Variants in NSF observed in about 807,000 individuals in gnomAD.
The protein encoded by NSF is vesicle-fusing ATPase.
A neutral mutation model predicts 50.3 loss-of-function variants in NSF; 14 were observed. That is an observed-to-expected ratio of 0.28 (90% confidence interval 0.18 to 0.44). The LOEUF (loss-of-function observed/expected upper bound fraction) is 0.44, where lower values mean the gene tolerates loss of function less well. Ranked by LOEUF, NSF falls within the 20% of genes least tolerant of loss-of-function variation. The probability of loss-of-function intolerance (pLI) is 1.00; values close to 1 mark genes in which losing one functional copy is unlikely to be tolerated. For synonymous variants in NSF, 109 were observed against 175.7 expected, an observed-to-expected ratio of 0.62 and a Z score of 3.00; for missense variants, 218 against 504.3, an observed-to-expected ratio of 0.43 and a Z score of 5.44.
intron 17 of NSF, among the ~76,000 whole-genome samples, chr17:46,732,177 T>C (rs1359208992): frequency 1.3e-5 from 2 of 152,228 alleles, no homozygotes; most frequent in South Asian, 2.1e-4. Flanking sequence ...ACTATACTTA[T>C]ATACACTACA....
At position 46,749,792 on chromosome 17, in the gene NSF, T is replaced by C. The variant is rs1568061985; in HGVS notation, c.1928T>C (p.Ile643Thr). The C allele has an allele frequency of 1.2e-6, 2 of 1,614,042 alleles. No individual in the cohort carries two copies. Among genetic ancestry groups the C allele is most frequent in the African/African-American group, 1.3e-5 (1 of 75,058 alleles). ...APPQGRKLLI[I>T]GTTSRKDVLQ... Reference sequence around the variant, plus strand: ...GATCAGGGCCGCAAGCTTCTTATCATTGGGACCACTAGCCGCAAAGATGTC... The same window carrying C: ...GATCAGGGCCGCAAGCTTCTTATCACTGGGACCACTAGCCGCAAAGATGTC... The change falls in exon 18 of 21, where the codon ATT becomes ACT. Residue 643 changes from isoleucine to threonine, a missense_variant. Transcript: ENST00000398238.
intron 14 of NSF, among the ~76,000 whole-genome samples, chr17:46,712,569 T>C (rs1056760347): frequency 3.9e-5 from 6 of 152,140 alleles, no homozygotes; most frequent in African/African-American, 1.4e-4. Flanking sequence ...AATTCAAGGG[T>C]CATATAGGAG....
At chr17:46,722,443 T>G (rs963749048) in intron 15 of NSF, among the ~76,000 whole-genome samples, 1 of 152,186 alleles carries the variant, frequency 6.6e-6, no homozygotes, top group Non-Finnish European at 1.5e-5. Context: ...TTTGTACAAT[T>G]TTACTTTTCT....
At chr17:46,710,151 T>C (rs1029960551) in intron 13 of NSF, among the ~76,000 whole-genome samples, 1 of 152,178 alleles carries the variant, frequency 6.6e-6, no homozygotes, top group Non-Finnish European at 1.5e-5. Flanking sequence ...ATTCTCAAGA[T>C]ACATGATCTT....
At chr17:46,742,643 G>A (rs2059086667) in intron 17 of NSF, among the ~76,000 whole-genome samples, 2 of 152,208 alleles carry the variant, frequency 1.3e-5, no homozygotes, top group African/African-American at 2.4e-5. Context: ...CTGACATTCA[G>A]GCAGGTCCTT....
At chr17:46,727,707 A>C (rs1029873971) in intron 16 of NSF, among the ~76,000 whole-genome samples, 1 of 152,140 alleles carries the variant, frequency 6.6e-6, no homozygotes, top group Admixed American at 6.5e-5. Flanking sequence ...AAAAGCTTTT[A>C]GGCACAAACT....
At chr17:46,691,575 G>A (rs963889380) in intron 9 of NSF, among the ~76,000 whole-genome samples, 1 of 151,016 alleles carries the variant, frequency 6.6e-6, no homozygotes, top group Non-Finnish European at 1.5e-5. Flanking sequence ...AGCCTGGGCA[G>A]CAGAGCAAGA....
chr17:46,755,513 G>A, intron 20 of NSF, 144 bp downstream of exon 20: 1 of 777,750 alleles, frequency 1.3e-6, no homozygotes, highest in Non-Finnish European at 2.1e-6. Context: ...GAGAGACCAA[G>A]CAAGGAAGTT....
rs779369132 is a variant in NSF, at chr17:46,667,460, CTTTTTTT to C, written c.746-6944_746-6938del. Among the ~76,000 whole-genome samples, 10 of 128,216 alleles carry C rather than the reference CTTTTTTT, an allele frequency of 7.8e-5. 1 individual carries two copies. The highest frequency in any genetic ancestry group is 4.9e-4 in the Admixed American group (6 of 12,360). The allele number at this position is 128,216 out of a possible 152,430, so 84.1% of individuals were successfully genotyped here. The stretch of plus-strand genomic sequence containing the variant: ...GATAGACGATGTCAGGTTTGATTTT[CTTTTTTT>C]TTTTTTTTTAAGAAATCTTTACCTT... On this transcript the variant is annotated intron_variant, in intron 8 of 20. Coordinates refer to ENST00000398238, the MANE Select transcript of NSF (RefSeq NM_006178.4).
At chr17:46,697,280 C>T (rs1473252777) in intron 12 of NSF, among the ~76,000 whole-genome samples, 1 of 125,558 alleles carries the variant, frequency 8.0e-6, no homozygotes, top group Non-Finnish European at 1.6e-5. Context: ...GCACAGTCTT[C>T]GCTCACTGCA....
In NSF at chr17:46,657,970, A is replaced by ATTT. The variant is rs200879873; in HGVS notation, c.745+14723_745+14725dup. ...TTTTTGTTTTTATTTTATTTTATTT[A>ATTT]TTTTTTTTTTTTTTGGCGGGGTGGG... On this transcript the variant is annotated intron_variant, in intron 8 of 20. Transcript: ENST00000398238. Among the ~76,000 whole-genome samples, 30 of 14,854 alleles carry ATTT rather than the reference A, an allele frequency of 2.0e-3. 1 individual carries two copies. Among genetic ancestry groups the ATTT allele is most frequent in the Non-Finnish European group, 2.2e-3 (16 of 7,222 alleles). 9.7% of individuals were successfully genotyped at this position (14,854 alleles called of 152,430 possible).
chr17:46,708,208 C>T (rs1227155540), intron 13 of NSF, among the ~76,000 whole-genome samples: 1 of 152,076 alleles, frequency 6.6e-6, no homozygotes, highest in Non-Finnish European at 1.5e-5. Flanking sequence ...GGTATATACT[C>T]AGAAGTGGAA....
At chr17:46,723,975 G>A (rs896249696) in intron 15 of NSF, among the ~76,000 whole-genome samples, 11 of 151,944 alleles carry the variant, frequency 7.2e-5, no homozygotes, top group Non-Finnish European at 1.3e-4. Flanking sequence ...GACTCTTTAC[G>A]TCCAAGTTCC....
intron 17 of NSF, among the ~76,000 whole-genome samples, chr17:46,741,905 A>C (rs906722268): frequency 1.3e-5 from 2 of 152,184 alleles, no homozygotes; most frequent in African/African-American, 4.8e-5. Context: ...AGCTGGGATT[A>C]CAGGCATGTG....
At chr17:46,723,880 G>A (rs1276705275) in intron 15 of NSF, among the ~76,000 whole-genome samples, 1 of 152,086 alleles carries the variant, frequency 6.6e-6, no homozygotes, top group Non-Finnish European at 1.5e-5. Flanking sequence ...TAAAACATAA[G>A]CCTGACATGT....
At chr17:46,736,306 G>C (rs772991852) in intron 17 of NSF, among the ~76,000 whole-genome samples, 1 of 152,210 alleles carries the variant, frequency 6.6e-6, no homozygotes, top group Non-Finnish European at 1.5e-5. Context: ...TGGCCCACCT[G>C]CTTCCTTTCC....
rs549082663 is a variant in NSF, at chr17:46,704,919, G to C, written c.1470+65G>C. ...ATGATAATAATAACTCAGGCGAAAA[G>C]TAAGTGCCATTTACTCAGTATTATG... On this transcript the variant is annotated intron_variant, in intron 13 of 20. Transcript: ENST00000398238. 2.0e-6 allele frequency: 3 copies of C among 1,527,302 alleles called. No homozygotes were observed. In the African/African-American group the frequency reaches 4.3e-5, roughly 22 times the overall value. 94.6% of individuals were successfully genotyped at this position (1,527,302 alleles called of 1,614,324 possible).
rs368783747 is a variant in NSF, at chr17:46,751,655, A to T, written c.2157+39A>T. 2.7e-5 allele frequency: 36 copies of T among 1,332,672 alleles called. No homozygotes were observed. In the Admixed American group the frequency reaches 6.3e-4, roughly 23 times the overall value. 82.6% of individuals were successfully genotyped at this position (1,332,672 alleles called of 1,614,324 possible). ...TTCTCCGTATGACTCAGACAGAACA[A>T]AGCTTCAGGACACACCAAGAGGGTT... On this transcript the variant is annotated intron_variant, in intron 19 of 20. Coordinates refer to ENST00000398238, the MANE Select transcript of NSF (RefSeq NM_006178.4).
chr17:46,755,560 G>A lies in NSF; in HGVS notation c.2213+191G>A, dbSNP rs75487918. ...TGGTTTGCTCTCCCTGTCCTGCTTC[G>A]CAAAACTTCCTTGTCACAATGCAGG... is the stretch of plus-strand genomic sequence containing the variant. On this transcript the variant is annotated intron_variant, in intron 20 of 20. Coordinates refer to ENST00000398238, the MANE Select transcript of NSF (RefSeq NM_006178.4). 1.0e-3 allele frequency: 686 copies of A among 687,296 alleles called. 1 individual carries two copies. Among genetic ancestry groups the A allele is most frequent in the African/African-American group, 8.1e-3 (452 of 55,556 alleles). 42.6% of individuals were successfully genotyped at this position (687,296 alleles called of 1,614,324 possible).
Sources: allele counts gnomAD v4.1 joint callset (sites outside exome capture counted in the v4.1 genomes callset), GRCh38; gene constraint gnomAD v4.1.1; transcripts MANE v1.5; gene names NCBI Gene and HGNC (gene_info 2026-07-23, HGNC 2026-07-21).